ERCC4: variants seen among roughly 807,000 people sequenced by gnomAD.
The protein encoded by ERCC4 is DNA repair endonuclease XPF.
ERCC4 carries 65 observed loss-of-function variants against 76.9 expected under a neutral mutation model. The observed-to-expected ratio is 0.84, with a 90% CI of 0.69 to 1.04. ERCC4 has a LOEUF of 1.04. ERCC4 is among the 50% of genes least tolerant of loss of function. The pLI, the probability that ERCC4 is intolerant of heterozygous loss-of-function variation, is 0.00. For synonymous variants in ERCC4, 463 were observed against 410.1 expected, an observed-to-expected ratio of 1.13 and a Z score of -1.56; for missense variants, 1,214 against 1,128.2, an observed-to-expected ratio of 1.08 and a Z score of -1.09.
At chr16:13,944,401 AT>A (rs1443436890) in intron 9 of ERCC4, among the ~76,000 whole-genome samples, 1 of 152,112 alleles carries the variant, frequency 6.6e-6, no homozygotes, top group African/African-American at 2.4e-5. Context: ...TCTTGGTGGC[AT>A]TTTTTACATG....
chr16:13,946,103 C>G (rs2032507930), intron 10 of ERCC4, among the ~76,000 whole-genome samples: 1 of 152,210 alleles, frequency 6.6e-6, no homozygotes, highest in Non-Finnish European at 1.5e-5. Flanking sequence ...CTTATAGCCC[C>G]TTCCTCCATC....
chr16:13,948,336 GGGA>G lies in ERCC4; in HGVS notation c.2741_2743del (p.Gly914_Lys915delinsGlu). ...TGCAGAAGTCGTATCAAAAGGAAAA[GGGA>G]AAAAGTGAACAGTGATGGCTGTTTT... is the stretch of plus-strand genomic sequence containing the variant. On this transcript the variant is annotated inframe_deletion, in exon 11 of 11. Transcript: ENST00000311895. 1.2e-6 allele frequency: 2 copies of G among 1,610,662 alleles called. No homozygotes were observed. The highest frequency in any genetic ancestry group is 8.5e-7 in the Non-Finnish European group (1 of 1,179,944).
chr16:13,947,678 G>T lies in ERCC4; in HGVS notation c.2082G>T (p.Glu694Asp). 6.2e-7 allele frequency: 1 copy of T among 1,614,226 alleles called. No individual in the cohort carries two copies. Among genetic ancestry groups the T allele is most frequent in the Admixed American group, 1.7e-5 (1 of 60,028 alleles). ...IVVDMREFRS[E>D]LPSLIHRRGI... ...TGGATATGCGTGAATTTCGAAGTGA[G>T]CTTCCATCTCTGATCCATCGTCGGG... The change falls in exon 11 of 11, where the codon GAG (glutamate) becomes GAT (aspartate). Residue 694 changes from glutamate (E) to aspartate (D), a missense_variant. By Grantham distance (45) the Glu-to-Asp change is conservative (BLOSUM62 2). Coordinates refer to ENST00000311895, the MANE Select transcript of ERCC4 (RefSeq NM_005236.3).
intron 4 of ERCC4, among the ~76,000 whole-genome samples, chr16:13,929,845 T>G (rs3136108): frequency 0.028 from 4,310 of 152,194 alleles, 205 homozygotes; most frequent in African/African-American, 0.098. Flanking sequence ...ACGCCTGTAG[T>G]CCCAGCTACT....
In ERCC4 at chr16:13,926,731, G is replaced by A; in HGVS notation, c.559G>A (p.Val187Met). 3 of 1,613,726 alleles carry A rather than the reference G, an allele frequency of 1.9e-6. No individual in the cohort carries two copies. The South Asian group carries it at 3.3e-5, about 18-fold the overall frequency. The stretch of plus-strand genomic sequence containing the variant: ...GGAAAGAGTGATGAGAAATCTTTTT[G>A]TGAGGAAACTGTATCTGTGGCCAAG... ...HVERVMRNLF[V>M]RKLYLWPRFH... Residue 187 changes from valine (V) to methionine (M), a missense_variant, in exon 3 of 11, where the codon GTG becomes ATG. Transcript: ENST00000311895.
rs778574449 is a variant in ERCC4 at position 13,926,659 on chromosome 16, G to A, written c.487G>A (p.Ala163Thr). 1.2e-6 allele frequency: 2 copies of A among 1,614,090 alleles called. No homozygotes were observed. The highest frequency in any genetic ancestry group is 1.7e-6 in the Non-Finnish European group (2 of 1,179,974). ...RQKNKRGFIK[A>T]FTDNAVAFDT... ...GAAAAACAAACGTGGTTTTATTAAA[G>A]CTTTCACAGACAATGCTGTTGCCTT... Residue 163 changes from alanine (A) to threonine (T), a missense_variant, in exon 3 of 11, where the codon GCT (alanine) becomes ACT (threonine). Transcript: ENST00000311895.
intron 9 of ERCC4, among the ~76,000 whole-genome samples, chr16:13,944,325 C>T (rs2141616637): frequency 6.6e-6 from 1 of 151,934 alleles, no homozygotes; most frequent in East Asian, 1.9e-4. Context: ...TTGTGATTAC[C>T]CTGAAAATGT....
intron 2 of ERCC4, 80 bp from the exon 3 acceptor site, chr16:13,926,481 T>G: frequency 8.2e-7 from 1 of 1,218,576 alleles, no homozygotes; most frequent in Non-Finnish European, 1.2e-6. Flanking sequence ...CATTCTCTTG[T>G]AAGTACTTAA....
At chr16:13,944,507 AGT>A (rs1232091049) in intron 9 of ERCC4, among the ~76,000 whole-genome samples, 1 of 136,160 alleles carries the variant, frequency 7.3e-6, no homozygotes, top group African/African-American at 3.8e-5. Context: ...ATCAAGAAGT[AGT>A]ATCCGACCAA....
At chr16:13,947,217 G>T (rs1351439579) in intron 10 of ERCC4, among the ~76,000 whole-genome samples, 2 of 152,128 alleles carry the variant, frequency 1.3e-5, no homozygotes, top group Non-Finnish European at 2.9e-5. Context: ...CACTAGATTT[G>T]CTCAGTGAGC....
chr16:13,940,979 T>C (rs546155913), intron 9 of ERCC4, among the ~76,000 whole-genome samples: 10 of 152,294 alleles, frequency 6.6e-5, no homozygotes, highest in African/African-American at 2.4e-4. Context: ...TCGCCTGTCT[T>C]CATGCAGCTG....
chr16:13,940,625 C>T (rs957244801), intron 9 of ERCC4, among the ~76,000 whole-genome samples: 1 of 152,176 alleles, frequency 6.6e-6, no homozygotes, highest in Non-Finnish European at 1.5e-5. Context: ...ACACAGAGTA[C>T]CTCCATGGCT....
chr16:13,939,020 T>C (rs1246382425), intron 9 of ERCC4, among the ~76,000 whole-genome samples: 1 of 152,208 alleles, frequency 6.6e-6, no homozygotes, highest in Non-Finnish European at 1.5e-5. Context: ...CATACAAGTA[T>C]TGCTCAGTCC....
chr16:13,921,843 C>CA (rs1303171099), intron 1 of ERCC4, among the ~76,000 whole-genome samples, 188 bp from the exon 2 acceptor site: 1 of 151,998 alleles, frequency 6.6e-6, no homozygotes, highest in African/African-American at 2.4e-5. Flanking sequence ...GTGTAAACCC[C>CA]AAAACAAGAA....
At chr16:13,944,682 G>T in intron 9 of ERCC4, 41 bp from the exon 10 acceptor site, 1 of 1,317,886 alleles carries the variant, frequency 7.6e-7, no homozygotes, top group South Asian at 1.2e-5. Context: ...CTAGAATTTT[G>T]AAATTTGTTT....
chr16:13,926,691 TG>T lies in ERCC4; in HGVS notation c.521del (p.Gly174ValfsTer8). On this transcript the variant is annotated frameshift_variant, in exon 3 of 11. Transcript: ENST00000311895. LOFTEE classifies it high-confidence loss of function. ...FTDNAVAFDT[G>X]FCHVERVMRN... Reference sequence around the variant, plus strand: ...CAGACAATGCTGTTGCCTTTGATACTGGTTTTTGTCATGTGGAAAGAGTGAT... The same window carrying T: ...CAGACAATGCTGTTGCCTTTGATACTGTTTTTGTCATGTGGAAAGAGTGAT... 1 of 1,614,126 alleles carries T rather than the reference TG, an allele frequency of 6.2e-7. No homozygotes were observed. The highest frequency in any genetic ancestry group is 8.5e-7 in the Non-Finnish European group (1 of 1,179,960).
Position 13,950,256 on chromosome 16 carries a change from C to G in ERCC4, c.*1909C>G. On this transcript the variant is annotated 3_prime_UTR_variant, in exon 11 of 11. Transcript: ENST00000311895. Reference sequence around the variant, plus strand: ...GATAACAGGCGTGAGCCACCGCACCCACCCAACAAAATTATTTTTAACTGT... The same window carrying G: ...GATAACAGGCGTGAGCCACCGCACCGACCCAACAAAATTATTTTTAACTGT... 5.2e-6 allele frequency: 1 copy of G among 190,822 alleles called. No individual in the cohort carries two copies. The allele number at this position is 190,822 out of a possible 1,614,324, so 11.8% of individuals were successfully genotyped here. A position where few individuals can be genotyped will look rare whatever the true frequency, so the allele number is the denominator to read the frequency against.
chr16:13,936,413 A>G (rs141812306), intron 8 of ERCC4, among the ~76,000 whole-genome samples: 247 of 152,340 alleles, frequency 1.6e-3, no homozygotes, highest in African/African-American at 5.7e-3. Flanking sequence ...CAGAGTAGAG[A>G]TGAATGGAGG....
chr16:13,935,060 C>A, intron 7 of ERCC4, 86 bp from the exon 8 acceptor site: 1 of 1,002,916 alleles, frequency 1.0e-6, no homozygotes, highest in Non-Finnish European at 1.6e-6. Flanking sequence ...AAGATGTCTT[C>A]CCTTCGGGTG....
Sources: gnomAD v4.1 joint callset for allele counts (sites outside exome capture counted in the v4.1 genomes callset) on GRCh38, gnomAD v4.1.1 for gene constraint, MANE v1.5 for transcripts, NCBI Gene and HGNC (gene_info 2026-07-23, HGNC 2026-07-21) for gene names.